DIS3L2: variants seen among roughly 807,000 people sequenced by gnomAD.
DIS3L2 encodes DIS3 like 3'-5' exoribonuclease 2, also known as DIS3-like exonuclease 2.
In DIS3L2, 34 loss-of-function variants were observed where a neutral mutation model predicts 97.5. The ratio of observed to expected loss-of-function variants is 0.35; its 90% CI spans 0.27 to 0.46. The LOEUF is 0.46. Among genes scored for constraint, DIS3L2 ranks in the 20% least tolerant of loss-of-function variants. The pLI is 1.00. For synonymous variants in DIS3L2, 435 were observed against 445.2 expected, an observed-to-expected ratio of 0.98 and a Z score of 0.29; for missense variants, 1,038 against 1,146.0, an observed-to-expected ratio of 0.91 and a Z score of 1.36.
intron 6 of DIS3L2, among the ~76,000 whole-genome samples, chr2:232,117,410 A>T (rs1697760089): frequency 6.6e-6 from 1 of 152,244 alleles, no homozygotes; most frequent in South Asian, 2.1e-4. Context: ...CGTAAATCAG[A>T]TGATTCTTGC....
At chr2:232,304,113 G>T (rs1694929028) in intron 14 of DIS3L2, among the ~76,000 whole-genome samples, 1 of 151,486 alleles carries the variant, frequency 6.6e-6, no homozygotes, top group African/African-American at 2.4e-5. Flanking sequence ...GAGGTGTGAG[G>T]CCTCACACCC....
chr2:232,031,889 T>C (rs915296314), intron 5 of DIS3L2, among the ~76,000 whole-genome samples: 18 of 152,244 alleles, frequency 1.2e-4, no homozygotes, highest in African/African-American at 3.9e-4. Flanking sequence ...ATTTTCTTTA[T>C]CCAGTCTAAC....
chr2:232,108,706 A>G (rs1439676108), intron 6 of DIS3L2, among the ~76,000 whole-genome samples: 1 of 152,232 alleles, frequency 6.6e-6, no homozygotes, highest in African/African-American at 2.4e-5. Context: ...AACTTAAGCA[A>G]AGTCTCAGGA....
intron 14 of DIS3L2, 28 bp from the exon 15 acceptor site, chr2:232,329,785 T>TCCCGGGGGGGCCCCC: frequency 1.1e-4 from 102 of 967,070 alleles, no homozygotes; most frequent in East Asian, 1.2e-4. Flanking sequence ...ACCCCAGCGG[T>TCCCGGGGGGGCCCCC]CCCTCCCATC....
chr2:232,281,438 A>G lies in DIS3L2; in HGVS notation c.1659+17998A>G, dbSNP rs1043659080. Among the ~76,000 whole-genome samples, 2 of 152,214 alleles carry G rather than the reference A, an allele frequency of 1.3e-5. No individual in the cohort carries two copies. Among genetic ancestry groups the G allele is most frequent in the Non-Finnish European group, 2.9e-5 (2 of 68,026 alleles). On this transcript the variant is annotated intron_variant, in intron 13 of 20. Coordinates refer to ENST00000325385, the MANE Select transcript of DIS3L2 (RefSeq NM_152383.5). This position sits in a 1 kb window ranked among gnomAD's most constrained non-coding sequence, Gnocchi z 4.1. Reference sequence around the variant, plus strand: ...AAATATGAATGTTTTCTTGAATTCAACTTGGTGCTGTTGAAGCATTTTACA... The same window carrying G: ...AAATATGAATGTTTTCTTGAATTCAGCTTGGTGCTGTTGAAGCATTTTACA...
intron 11 of DIS3L2, among the ~76,000 whole-genome samples, chr2:232,247,682 A>G (rs966549605): frequency 1.6e-5 from 2 of 125,522 alleles, no homozygotes; most frequent in East Asian, 5.2e-4. Flanking sequence ...CCAAAGGCTG[A>G]GTAGGTGAAA....
At chr2:232,004,735 C>T (rs1694005184) in intron 1 of DIS3L2, among the ~76,000 whole-genome samples, 1 of 151,962 alleles carries the variant, frequency 6.6e-6, no homozygotes, top group Non-Finnish European at 1.5e-5. Context: ...GCATGTGCTA[C>T]CACACCCAGC....
chr2:232,187,144 A>G (rs1482305616), intron 9 of DIS3L2, among the ~76,000 whole-genome samples: 3 of 152,190 alleles, frequency 2.0e-5, no homozygotes, highest in Non-Finnish European at 4.4e-5. Flanking sequence ...GTCACTAAGC[A>G]TATAAAAAAA....
At chr2:232,046,563 CT>C (rs1213360762) in intron 5 of DIS3L2, among the ~76,000 whole-genome samples, 8 of 152,114 alleles carry the variant, frequency 5.3e-5, no homozygotes, top group African/African-American at 1.7e-4. Flanking sequence ...TGCAGTGTAA[CT>C]TGTTGGGGCT....
intron 14 of DIS3L2, among the ~76,000 whole-genome samples, chr2:232,317,068 AGGCAGGTTATTACCCTT>A (rs1695295775): frequency 6.6e-6 from 1 of 152,192 alleles, no homozygotes; most frequent in South Asian, 2.1e-4. Flanking sequence ...GTGCCCTGGG[AGGCAGGTTATTACCCTT>A]GGCTTCATGA....
rs547537228 is a variant in DIS3L2, at chr2:232,343,133, C to A, written c.1582-212C>A. On this transcript the variant is annotated intron_variant, in intron 13 of 13. Transcript: ENST00000273009. ...GGGGTCTTCTGGAAGTAACTGAAGGCCCCCTCAACCTGGCTCATCATCAAA... is the reference window on the plus strand; with the variant it reads ...GGGGTCTTCTGGAAGTAACTGAAGGACCCCTCAACCTGGCTCATCATCAAA... 62 of 559,358 alleles carry A rather than the reference C, an allele frequency of 1.1e-4. No homozygotes were observed. The South Asian group carries it at 1.3e-3, about 12-fold the overall frequency. 34.6% of individuals were successfully genotyped at this position (559,358 alleles called of 1,614,324 possible). A position where few individuals can be genotyped will look rare whatever the true frequency, so the allele number is the denominator to read the frequency against.
intron 14 of DIS3L2, among the ~76,000 whole-genome samples, chr2:232,312,332 G>A (rs1470049101): frequency 6.6e-6 from 1 of 152,146 alleles, no homozygotes; most frequent in East Asian, 1.9e-4. Flanking sequence ...TTTCATATGG[G>A]TATCTGTTGA....
chr2:232,193,103 C>G (rs2106198249), intron 9 of DIS3L2, among the ~76,000 whole-genome samples: 1 of 152,348 alleles, frequency 6.6e-6, no homozygotes, highest in South Asian at 2.1e-4. Flanking sequence ...CCTGCACACT[C>G]CTTCCTTGTT....
chr2:231,964,373 C>A (rs746161196), intron 1 of DIS3L2, among the ~76,000 whole-genome samples: 3 of 152,054 alleles, frequency 2.0e-5, no homozygotes, highest in African/African-American at 7.2e-5. Context: ...GAAATCTTCC[C>A]GGGACTGACT....
chr2:232,267,992 C>T (rs1327967585), intron 13 of DIS3L2, among the ~76,000 whole-genome samples: 2 of 152,200 alleles, frequency 1.3e-5, no homozygotes, highest in African/African-American at 2.4e-5. Context: ...CTGGGGTTCT[C>T]TCTCTAGCCT....
In DIS3L2 at chr2:232,195,551, C is replaced by T. The variant is rs866878377; in HGVS notation, c.1125-14775C>T. On this transcript the variant is annotated intron_variant, in intron 9 of 20. Coordinates refer to ENST00000325385, the MANE Select transcript of DIS3L2 (RefSeq NM_152383.5). The stretch of plus-strand genomic sequence containing the variant: ...TTGAGTCAGTTCCTGGGGTGGGGTG[C>T]GGTGGGGTGGGGTGGGGTAGGGGTG... 0.015 allele frequency among the ~76,000 whole-genome samples: 39 copies of T among 2,566 alleles called. 2 individuals are homozygous for T. In the Middle Eastern group the frequency reaches 0.36, roughly 24 times the overall value. 1.7% of individuals were successfully genotyped at this position (2,566 alleles called of 152,430 possible). A position where few individuals can be genotyped will look rare whatever the true frequency, so the allele number is the denominator to read the frequency against.
intron 6 of DIS3L2, among the ~76,000 whole-genome samples, chr2:232,101,594 G>T (rs1697206208): frequency 6.6e-6 from 1 of 152,154 alleles, no homozygotes; most frequent in African/African-American, 2.4e-5. Context: ...TCTATCTCAG[G>T]AATTCCAGTA....
At chr2:232,141,647 G>A (rs1690048977) in intron 8 of DIS3L2, among the ~76,000 whole-genome samples, 1 of 152,080 alleles carries the variant, frequency 6.6e-6, no homozygotes, top group African/African-American at 2.4e-5. Flanking sequence ...AGCAGATGAC[G>A]GAGTGAGGTG....
rs571275896 is a variant in DIS3L2, at chr2:232,112,561, C to G, written c.602-18058C>G. Among the ~76,000 whole-genome samples the G allele has an allele frequency of 2.0e-5, 3 of 152,240 alleles. No homozygotes were observed. The East Asian group carries it at 5.8e-4, about 29-fold the overall frequency. On this transcript the variant is annotated intron_variant, in intron 6 of 20. Coordinates refer to ENST00000325385, the MANE Select transcript of DIS3L2 (RefSeq NM_152383.5). ...TACAGTCTGCTCTTGTCCCCAGGGC[C>G]TTGCTTAGACCATGAGTAGACTCCT...
Sources: gnomAD v4.1 joint callset for allele counts (sites outside exome capture counted in the v4.1 genomes callset) on GRCh38, gnomAD v4.1.1 for gene constraint, Gnocchi (gnomAD v3.1) non-coding constraint, MANE v1.5 for transcripts, NCBI Gene and HGNC (gene_info 2026-07-23, HGNC 2026-07-21) for gene names.